TANC2: variants seen among roughly 807,000 people sequenced by gnomAD.
The protein encoded by TANC2 is protein TANC2.
In TANC2, 26 loss-of-function variants were observed where a neutral mutation model predicts 210.5. The observed-to-expected ratio is 0.12, with a 90% CI of 0.09 to 0.17. The LOEUF is 0.17. TANC2 is among the 10% of genes least tolerant of loss of function. The probability of loss-of-function intolerance (pLI) is 1.00; values close to 1 mark genes in which losing one functional copy is unlikely to be tolerated. For synonymous variants in TANC2, 931 were observed against 967.1 expected (o/e 0.96, Z 0.69); for missense variants, 2,129 against 2,608.9 (o/e 0.82, Z 4.01).
chr17:63,202,385 C>T (rs2041563563), intron 7 of TANC2, among the ~76,000 whole-genome samples: 1 of 151,998 alleles, frequency 6.6e-6, no homozygotes. Flanking sequence ...CCTTTTCTAC[C>T]TAACAACCAG....
At chr17:63,344,330 A>G (rs2046331592) in intron 12 of TANC2, among the ~76,000 whole-genome samples, 1 of 152,206 alleles carries the variant, frequency 6.6e-6, no homozygotes, top group Non-Finnish European at 1.5e-5. Flanking sequence ...GATAAAAACT[A>G]CACAAACTAG....
At chr17:63,294,805 C>T (rs969115751) in intron 9 of TANC2, among the ~76,000 whole-genome samples, 2 of 152,120 alleles carry the variant, frequency 1.3e-5, no homozygotes, top group African/African-American at 4.8e-5. Context: ...CTGTTGCTGC[C>T]TTGGCTGTAC....
At chr17:63,002,993 GT>G (rs2033456270) in intron 1 of TANC2, among the ~76,000 whole-genome samples, 1 of 152,144 alleles carries the variant, frequency 6.6e-6, no homozygotes, top group Non-Finnish European at 1.5e-5. Flanking sequence ...AATAGTAGAG[GT>G]GGAGTCATGC....
chr17:63,107,448 T>C (rs1406214902), intron 4 of TANC2, among the ~76,000 whole-genome samples: 1 of 151,742 alleles, frequency 6.6e-6, no homozygotes, highest in Non-Finnish European at 1.5e-5. Flanking sequence ...TTATTGCTTT[T>C]TTATGCATGA....
At chr17:63,335,113 TGAGATTTGGGC>T (rs1407865677) in intron 11 of TANC2, among the ~76,000 whole-genome samples, 4 of 152,316 alleles carry the variant, frequency 2.6e-5, no homozygotes, top group African/African-American at 9.6e-5. Flanking sequence ...CATTTCAGTC[TGAGATTTGGGC>T]AGGGACAAAT....
At chr17:63,229,303 G>T (rs1221674769) in intron 7 of TANC2, among the ~76,000 whole-genome samples, 1 of 152,108 alleles carries the variant, frequency 6.6e-6, no homozygotes, top group African/African-American at 2.4e-5. Flanking sequence ...TAAGTTTTTT[G>T]ATGTGCTGCT....
intron 11 of TANC2, chr17:63,332,053 T>C (rs748154876): frequency 8.8e-5 from 26 of 296,866 alleles, no homozygotes; most frequent in South Asian, 2.3e-4. Context: ...ATATCAATTA[T>C]GCCATCTGTA....
At chr17:63,256,729 T>C (rs1227711333) in intron 8 of TANC2, among the ~76,000 whole-genome samples, 3 of 152,208 alleles carry the variant, frequency 2.0e-5, no homozygotes, top group African/African-American at 7.2e-5. Context: ...AATCTGTCTA[T>C]CTCTTTAGCT....
At chr17:62,973,917 A>G (rs1385791930) in intron 1 of TANC2, among the ~76,000 whole-genome samples, 1 of 152,248 alleles carries the variant, frequency 6.6e-6, no homozygotes, top group Non-Finnish European at 1.5e-5. Context: ...TTCCATTGGA[A>G]CTTAGCCATA....
chr17:63,343,246 G>A (rs1040016511), intron 12 of TANC2, among the ~76,000 whole-genome samples: 2 of 152,174 alleles, frequency 1.3e-5, no homozygotes, highest in Non-Finnish European at 2.9e-5. Flanking sequence ...CAGATTGAAA[G>A]TAAAAGGATA....
intron 3 of TANC2, among the ~76,000 whole-genome samples, chr17:63,083,953 G>A (rs1182445070): frequency 6.6e-6 from 1 of 152,112 alleles, no homozygotes; most frequent in Non-Finnish European, 1.5e-5. Context: ...TAGTGTTCTT[G>A]TTGTATCTGT....
chr17:62,987,259 G>A (rs993249169), intron 1 of TANC2, among the ~76,000 whole-genome samples: 1 of 152,160 alleles, frequency 6.6e-6, no homozygotes, highest in Admixed American at 6.5e-5. Context: ...TGGGGTCGTG[G>A]TGTTCAGCCA....
chr17:63,422,615 G>A (rs1305369859), exon 28 of TANC2: 1 of 152,208 alleles, frequency 6.6e-6, no homozygotes, highest in Non-Finnish European at 1.5e-5. Context: ...TTTTCCAAGA[G>A]GCATTGTAGG....
At chr17:63,063,531 CGTGTGTGTGTGTGTGT>C (rs59132639) in intron 2 of TANC2, among the ~76,000 whole-genome samples, 7 of 108,148 alleles carry the variant, frequency 6.5e-5, no homozygotes, top group East Asian at 2.3e-4. Context: ...GGGACAAAGA[CGTGTGTGTGTGTGTGT>C]GTGTGTGTGT....
chr17:63,236,842 G>T (rs994263605), intron 7 of TANC2, among the ~76,000 whole-genome samples: 1 of 152,136 alleles, frequency 6.6e-6, no homozygotes, highest in African/African-American at 2.4e-5. Flanking sequence ...CTTTATGGCT[G>T]AATAATATTC....
intron 8 of TANC2, among the ~76,000 whole-genome samples, chr17:63,240,873 T>G (rs951295523): frequency 1.3e-5 from 2 of 152,194 alleles, no homozygotes; most frequent in Non-Finnish European, 2.9e-5. Context: ...GCATTCTCTT[T>G]TTGTGTTGGC....
chr17:63,176,805 C>CAAAAAAA (rs60736520), intron 5 of TANC2, among the ~76,000 whole-genome samples: 1 of 93,160 alleles, frequency 1.1e-5, no homozygotes, highest in Non-Finnish European at 2.1e-5. Flanking sequence ...GACTCCATCT[C>CAAAAAAA]AAAAAAAAAA....
intron 4 of TANC2, chr17:63,148,431 T>G (rs1200955796): frequency 1.3e-5 from 2 of 152,198 alleles, no homozygotes; most frequent in Non-Finnish European, 2.9e-5. Context: ...GCTAAATAAC[T>G]TGCCTAATTT....
At chr17:63,244,510 T>C (rs961910777) in intron 8 of TANC2, among the ~76,000 whole-genome samples, 1 of 152,228 alleles carries the variant, frequency 6.6e-6, no homozygotes, top group Non-Finnish European at 1.5e-5. Flanking sequence ...CCCATTTTAA[T>C]TTTTCAGTCA....
Sources: gnomAD v4.1 joint callset for allele counts (sites outside exome capture counted in the v4.1 genomes callset) on GRCh38, gnomAD v4.1.1 for gene constraint, MANE v1.5 for transcripts, NCBI Gene and HGNC (gene_info 2026-07-23, HGNC 2026-07-21) for gene names.